WASF3: variants seen among roughly 807,000 people sequenced by gnomAD.
WASF3 encodes the protein actin-binding protein WASF3.
In WASF3, 11 loss-of-function variants were observed where a neutral mutation model predicts 46.6. That is an observed-to-expected ratio of 0.24 (90% confidence interval 0.15 to 0.39). WASF3 has a LOEUF of 0.39. Ranked by LOEUF, WASF3 falls within the 10% of genes least tolerant of loss-of-function variation. The pLI, the probability that WASF3 is intolerant of heterozygous loss-of-function variation, is 1.00. For synonymous variants in WASF3, 242 were observed against 259.7 expected (o/e 0.93, Z 0.65); for missense variants, 576 against 669.8 (o/e 0.86, Z 1.55).
chr13:26,668,397 C>T (rs572610017), intron 5 of WASF3, among the ~76,000 whole-genome samples: 1 of 152,344 alleles, frequency 6.6e-6, no homozygotes, highest in South Asian at 2.1e-4. Context: ...CTCCCCACCT[C>T]TGTACCCTCT....
rs1881119295 is a variant in WASF3 at position 26,615,903 on chromosome 13, A to G, written c.-11+2845A>G. Among the ~76,000 whole-genome samples the G allele has an allele frequency of 2.6e-5, 4 of 152,296 alleles. No homozygotes were observed. The South Asian group carries it at 8.3e-4, about 32-fold the overall frequency. ...TATGTAGTATTTTCGTCTGGCTTTC[A>G]TTCAGCATAGAGATTCATCTCTTGT... On this transcript the variant is annotated intron_variant, in intron 2 of 9. Coordinates refer to ENST00000335327, the MANE Select transcript of WASF3 (RefSeq NM_006646.6).
At chr13:26,583,442 A>C (rs943188348) in intron 1 of WASF3, among the ~76,000 whole-genome samples, 49 of 152,348 alleles carry the variant, frequency 3.2e-4, no homozygotes, top group African/African-American at 1.2e-3. Context: ...AAATGGAAAT[A>C]CTTAAAGATG....
the WASF3 span, among the ~76,000 whole-genome samples, chr13:26,541,279 G>C: frequency 7.2e-5 from 11 of 152,228 alleles, no homozygotes; most frequent in East Asian, 1.9e-3. Flanking sequence ...GCCAAATCTC[G>C]AGGGCAGGGA....
intron 1 of WASF3, among the ~76,000 whole-genome samples, chr13:26,599,261 C>T (rs1182402485): frequency 6.7e-6 from 1 of 149,832 alleles, no homozygotes; most frequent in Non-Finnish European, 1.5e-5. Context: ...CGACTCACAG[C>T]AACCTCTGCC....
chr13:26,678,516 A>C (rs1437167358), intron 7 of WASF3, among the ~76,000 whole-genome samples: 1 of 151,982 alleles, frequency 6.6e-6, no homozygotes, highest in African/African-American at 2.4e-5. Flanking sequence ...TGTTTTAGGT[A>C]TTATTTCGCA....
intron 1 of WASF3, among the ~76,000 whole-genome samples, chr13:26,603,204 C>G (rs1880693802): frequency 6.6e-6 from 1 of 152,134 alleles, no homozygotes; most frequent in African/African-American, 2.4e-5. Flanking sequence ...GTAGAAAGCT[C>G]AGCAGCTTCT....
intron 1 of WASF3, among the ~76,000 whole-genome samples, chr13:26,560,114 C>G (rs1015928440): frequency 6.6e-6 from 1 of 151,994 alleles, no homozygotes; most frequent in Non-Finnish European, 1.5e-5. Flanking sequence ...CCACCGCTCC[C>G]GGCCGAATCT....
intron 3 of WASF3, among the ~76,000 whole-genome samples, chr13:26,662,558 A>C (rs1337996345): frequency 2.0e-5 from 3 of 152,222 alleles, no homozygotes; most frequent in Middle Eastern, 3.2e-3. Flanking sequence ...AGAAAACCAA[A>C]TACTGCCTGT....
chr13:26,580,531 T>C (rs1353004553), intron 1 of WASF3, among the ~76,000 whole-genome samples: 1 of 152,192 alleles, frequency 6.6e-6, no homozygotes, highest in Non-Finnish European at 1.5e-5. Flanking sequence ...CATATGTTAT[T>C]TTTTGTTGCT....
the WASF3 span, among the ~76,000 whole-genome samples, chr13:26,551,927 A>C: frequency 6.6e-6 from 1 of 152,256 alleles, no homozygotes; most frequent in Non-Finnish European, 1.5e-5. Flanking sequence ...CAGTGAAGGA[A>C]AAACCAAGGG....
At chr13:26,572,326 G>A (rs1157111883) in intron 1 of WASF3, among the ~76,000 whole-genome samples, 1 of 152,186 alleles carries the variant, frequency 6.6e-6, no homozygotes, top group Non-Finnish European at 1.5e-5. Flanking sequence ...CACTCACCGT[G>A]TGTATGTGCG....
chr13:26,676,559 G>T lies in WASF3; in HGVS notation c.551G>T (p.Arg184Leu). ...TTTCCTGGACATCAGGAGCAAAAGCGTATAGATGGCACCACCCGTGAGGTG... is the reference window on the plus strand; with the variant it reads ...TTTCCTGGACATCAGGAGCAAAAGCTTATAGATGGCACCACCCGTGAGGTG... ...KEKRRQKEQK[R>L]IDGTTREVKK... The change falls in exon 7 of 10, where the codon CGT becomes CTT. Residue 184 changes from arginine to leucine, a missense_variant. By Grantham distance (102) the Arg-to-Leu change is moderately radical. This residue lies in a region of WASF3 where 213 missense variants were observed against 278.0 expected (regional missense o/e 0.77). Coordinates refer to ENST00000335327, the MANE Select transcript of WASF3 (RefSeq NM_006646.6). 1.2e-6 allele frequency: 2 copies of T among 1,613,982 alleles called. No homozygotes were observed. Among genetic ancestry groups the T allele is most frequent in the Non-Finnish European group, 1.7e-6 (2 of 1,179,966 alleles).
the WASF3 span, among the ~76,000 whole-genome samples, chr13:26,549,808 C>A: frequency 6.6e-6 from 1 of 152,138 alleles, no homozygotes; most frequent in African/African-American, 2.4e-5. Context: ...TTTGAACCAG[C>A]AAAAACCCCA....
At position 26,686,746 on chromosome 13, in the gene WASF3, C is replaced by A. The variant is rs1883417661; in HGVS notation, c.*901C>A. 3.9e-5 allele frequency: 3 copies of A among 77,308 alleles called. No individual in the cohort carries two copies. Among genetic ancestry groups the A allele is most frequent in the African/African-American group, 1.5e-4 (3 of 20,470 alleles). The allele number at this position is 77,308 out of a possible 1,614,324, so 4.8% of individuals were successfully genotyped here. On this transcript the variant is annotated 3_prime_UTR_variant, in exon 10 of 10. Coordinates refer to ENST00000335327, the MANE Select transcript of WASF3 (RefSeq NM_006646.6). The stretch of plus-strand genomic sequence containing the variant: ...GGGCCTGGGCTGCAAAGGAGCCCTG[C>A]TCCTTTAGTTTCCTGACACCTGTGT...
chr13:26,562,865 T>TCCCCTCCCCTCCCCTCCCCTCCTC (rs1566035578), intron 1 of WASF3, among the ~76,000 whole-genome samples: 3 of 15,850 alleles, frequency 1.9e-4, no homozygotes, highest in Non-Finnish European at 3.5e-4. Flanking sequence ...TCTCCTCCCC[T>TCCCCTCCCCTCCCCTCCCCTCCTC]CCTCCCTCCC....
intron 1 of WASF3, among the ~76,000 whole-genome samples, chr13:26,558,025 G>A (rs1236555639): frequency 6.6e-6 from 1 of 151,380 alleles, no homozygotes. Flanking sequence ...GCATTCTCCC[G>A]GCCGGCTCCC....
At chr13:26,547,866 C>A in the WASF3 span, among the ~76,000 whole-genome samples, 12 of 152,154 alleles carry the variant, frequency 7.9e-5, no homozygotes, top group African/African-American at 2.7e-4. Context: ...AAACAGAAAC[C>A]AGTGAGAACA....
intron 1 of WASF3, among the ~76,000 whole-genome samples, chr13:26,610,468 G>A (rs925654830): frequency 9.9e-5 from 15 of 152,136 alleles, no homozygotes; most frequent in Non-Finnish European, 2.1e-4. Flanking sequence ...AGGGGGAGGG[G>A]CAGGCACAGT....
rs866471096 is a variant in WASF3, at chr13:26,580,626, C to T, written c.-109+22807C>T. On this transcript the variant is annotated intron_variant, in intron 1 of 9. Coordinates refer to ENST00000335327, the MANE Select transcript of WASF3 (RefSeq NM_006646.6). ...TAGTTTTGAAATTTCTTTTTTCTTT[C>T]TTTTTTTTTTTTTTTGAGACAGAGT... Among the ~76,000 whole-genome samples the T allele has an allele frequency of 6.0e-3, 820 of 136,954 alleles. 10 individuals are homozygous for T. The highest frequency in any genetic ancestry group is 0.021 in the African/African-American group (778 of 37,290). 89.8% of individuals were successfully genotyped at this position (136,954 alleles called of 152,430 possible).
Sources: gnomAD v4.1 joint callset for allele counts (sites outside exome capture counted in the v4.1 genomes callset) on GRCh38, gnomAD v4.1.1 for gene constraint, gnomAD v4.1.1 regional missense constraint, MANE v1.5 for transcripts, NCBI Gene and HGNC (gene_info 2026-07-23, HGNC 2026-07-21) for gene names.